NREP: variants seen among roughly 807,000 people sequenced by gnomAD.
NREP encodes neuronal regeneration related protein, also known as neuronal regeneration-related protein.
Under a neutral mutation model 8.6 loss-of-function variants are expected in NREP, and 5 were observed. The observed-to-expected ratio is 0.58, with a 90% CI of 0.30 to 1.22. The LOEUF is 1.22. Ranked by LOEUF, NREP falls within the 50% of genes most tolerant of loss-of-function variation. NREP has a pLI of 0.07. For synonymous variants in NREP, 27 were observed against 28.0 expected (o/e 0.96, Z 0.11); for missense variants, 86 against 82.5 (o/e 1.04, Z -0.17).
At chr5:111,736,926 G>A (rs1185241760) in intron 2 of NREP, among the ~76,000 whole-genome samples, 1 of 152,134 alleles carries the variant, frequency 6.6e-6, no homozygotes, top group Admixed American at 6.6e-5. Flanking sequence ...CTATCCTGCT[G>A]CCCTCGCATT....
At chr5:111,752,567 G>C (rs1750430022) in intron 2 of NREP, among the ~76,000 whole-genome samples, 1 of 152,176 alleles carries the variant, frequency 6.6e-6, no homozygotes, top group Non-Finnish European at 1.5e-5. Flanking sequence ...TGTTAATGGA[G>C]AGATTATTGA....
intron 2 of NREP, among the ~76,000 whole-genome samples, chr5:111,803,184 G>A (rs1387819411): frequency 1.3e-5 from 2 of 152,170 alleles, no homozygotes; most frequent in Non-Finnish European, 2.9e-5. Flanking sequence ...CTCAGGTAAA[G>A]TCTGCTAATA....
chr5:111,821,262 G>T (rs941131014), intron 2 of NREP, among the ~76,000 whole-genome samples: 3 of 151,966 alleles, frequency 2.0e-5, no homozygotes, highest in East Asian at 1.9e-4. Flanking sequence ...TCCTGATTAG[G>T]ACTATGAGGA....
intron 2 of NREP, among the ~76,000 whole-genome samples, chr5:111,832,304 G>A (rs780814813): frequency 6.6e-6 from 1 of 152,090 alleles, no homozygotes; most frequent in East Asian, 1.9e-4. Context: ...GATCACTAGA[G>A]CTCATGAGTT....
chr5:111,809,888 T>C lies in NREP; in HGVS notation c.136-74381A>G, dbSNP rs1223732025. Reference sequence around the variant, plus strand: ...ACTTTGGCGTGTGTGTGTGTGTGTGTGTGTGTGTGTGTGTGTGTGTGTGTA... The same window carrying C: ...ACTTTGGCGTGTGTGTGTGTGTGTGCGTGTGTGTGTGTGTGTGTGTGTGTA... On this transcript the variant is annotated intron_variant, in intron 2 of 3. Transcript: ENST00000395634. 3.3e-5 allele frequency among the ~76,000 whole-genome samples: 5 copies of C among 149,434 alleles called. No individual in the cohort carries two copies. The South Asian group carries it at 1.2e-3, about 34-fold the overall frequency.
intron 2 of NREP, among the ~76,000 whole-genome samples, chr5:111,935,520 G>A (rs1045277803): frequency 2.6e-5 from 4 of 152,046 alleles, no homozygotes; most frequent in Non-Finnish European, 5.9e-5. Context: ...TTACTACACA[G>A]GTACTTTGAA....
intron 2 of NREP, among the ~76,000 whole-genome samples, chr5:111,912,141 C>A (rs1754929923): frequency 6.6e-6 from 1 of 151,986 alleles, no homozygotes; most frequent in African/African-American, 2.4e-5. Context: ...CTTTTGTTGG[C>A]CAGTTTAATT....
At chr5:111,899,997 C>T (rs1603081) in intron 2 of NREP, among the ~76,000 whole-genome samples, 60,572 of 152,000 alleles carry the variant, frequency 0.4, 14,359 homozygotes, top group Non-Finnish European at 0.54. Context: ...ACTACACATT[C>T]TTCTCATCAG....
At chr5:111,968,899 G>A (rs1209067226) in intron 2 of NREP, among the ~76,000 whole-genome samples, 1 of 152,154 alleles carries the variant, frequency 6.6e-6, no homozygotes, top group Non-Finnish European at 1.5e-5. Context: ...TTCACAACCT[G>A]CTCATCACCA....
At chr5:111,965,188 T>G (rs956854924) in intron 2 of NREP, among the ~76,000 whole-genome samples, 1 of 152,160 alleles carries the variant, frequency 6.6e-6, no homozygotes. Flanking sequence ...TGATGTTTCT[T>G]TTTTGGTATA....
chr5:111,969,891 G>A (rs1479333472), intron 2 of NREP, among the ~76,000 whole-genome samples: 2 of 152,290 alleles, frequency 1.3e-5, no homozygotes, highest in African/African-American at 4.8e-5. Context: ...GGGGACTAGT[G>A]AAGGAAAGTT....
intron 2 of NREP, among the ~76,000 whole-genome samples, chr5:111,963,460 AAC>A (rs1380180596): frequency 1.3e-5 from 2 of 152,218 alleles, no homozygotes; most frequent in Non-Finnish European, 2.9e-5. Context: ...TGGCCATTTA[AAC>A]CAAGTTCAGA....
At chr5:111,884,022 A>G (rs1161198735) in intron 2 of NREP, among the ~76,000 whole-genome samples, 1 of 152,144 alleles carries the variant, frequency 6.6e-6, no homozygotes, top group African/African-American at 2.4e-5. Context: ...TCAAAAAATT[A>G]TTGAATCCAG....
chr5:111,856,907 T>C (rs1256885169), intron 2 of NREP, among the ~76,000 whole-genome samples: 1 of 152,168 alleles, frequency 6.6e-6, no homozygotes, highest in Non-Finnish European at 1.5e-5. Flanking sequence ...CATGCAGTTG[T>C]CGTCTACTCT....
chr5:111,748,753 G>A (rs1002358016), intron 2 of NREP, among the ~76,000 whole-genome samples: 9 of 151,960 alleles, frequency 5.9e-5, no homozygotes, highest in African/African-American at 1.7e-4. Flanking sequence ...ACTGGTAGAG[G>A]AAATGGAAAA....
At chr5:111,757,485 T>A, upstream of NREP, 1 of 985,106 alleles carries the variant, frequency 1.0e-6, no homozygotes, top group African/African-American at 1.7e-5. Flanking sequence ...AATGAGCTAA[T>A]TCTGATGGAG....
intron 2 of NREP, among the ~76,000 whole-genome samples, chr5:111,821,480 G>A (rs1752513185): frequency 6.6e-6 from 1 of 152,050 alleles, no homozygotes; most frequent in East Asian, 1.9e-4. Context: ...CCTAGTTAAA[G>A]TCATTAATGT....
rs1431460887 is a variant in NREP at position 111,757,160 on chromosome 5, A to C, written c.-83T>G. The C allele has an allele frequency of 1.0e-6, 1 of 974,790 alleles. No homozygotes were observed. Among genetic ancestry groups the C allele is most frequent in the Non-Finnish European group, 1.2e-6 (1 of 826,220 alleles). 60.4% of individuals were successfully genotyped at this position (974,790 alleles called of 1,614,324 possible). A position where few individuals can be genotyped will look rare whatever the true frequency, so the allele number is the denominator to read the frequency against. ...CAGACAAAAGCCCCGCTCCCTGTTC[A>C]CTCTCTCTCCTCTCTACACCTGAAA... On this transcript the variant is annotated 5_prime_UTR_variant, in exon 1 of 4. Coordinates refer to ENST00000257435, the MANE Select transcript of NREP (RefSeq NM_004772.4).
intron 2 of NREP, among the ~76,000 whole-genome samples, chr5:111,741,824 T>TACACAC (rs112980817): frequency 1.3e-3 from 94 of 73,482 alleles, no homozygotes; most frequent in Non-Finnish European, 2.2e-3. Flanking sequence ...AACACACACA[T>TACACAC]ACACACACAC....
Sources: allele counts gnomAD v4.1 joint callset (sites outside exome capture counted in the v4.1 genomes callset), GRCh38; gene constraint gnomAD v4.1.1; transcripts MANE v1.5; gene names NCBI Gene and HGNC (gene_info 2026-07-23, HGNC 2026-07-21).